The following BLK variants were observed in gnomAD, a reference collection of about 807,000 sequenced individuals.
BLK encodes the protein BLK proto-oncogene, Src family tyrosine kinase.
A neutral mutation model predicts 61.8 loss-of-function variants in BLK; 64 were observed. The observed-to-expected ratio is 1.03, with a 90% confidence interval of 0.85 to 1.27. The LOEUF (loss-of-function observed/expected upper bound fraction) is 1.27, where lower values mean the gene tolerates loss of function less well. BLK is among the 50% of genes most tolerant of loss of function. The pLI is 0.00. For synonymous variants in BLK, 351 were observed against 272.0 expected (o/e 1.29, Z -2.86); for missense variants, 853 against 660.5 (o/e 1.29, Z -3.19).
intron 1 of BLK, among the ~76,000 whole-genome samples, chr8:11,519,852 T>A (rs1799371378): frequency 6.6e-6 from 1 of 152,184 alleles, no homozygotes; most frequent in South Asian, 2.1e-4. Context: ...AACTTGAAAA[T>A]GTGCATATCC....
intron 6 of BLK, among the ~76,000 whole-genome samples, chr8:11,551,021 C>T (rs569293992): frequency 5.9e-5 from 9 of 152,274 alleles, no homozygotes; most frequent in South Asian, 4.2e-4. Flanking sequence ...ATTCAACCCC[C>T]ACCCTCAAGA....
chr8:11,501,460 G>A (rs143693233), intron 1 of BLK, among the ~76,000 whole-genome samples: 305 of 152,068 alleles, frequency 2.0e-3, no homozygotes, highest in African/African-American at 7.1e-3. Context: ...CCAGCACACT[G>A]GGGGAAGTGT....
rs114844531 is a variant in BLK at position 11,544,872 on chromosome 8, C to T, written c.124-1180C>T. Among the ~76,000 whole-genome samples the T allele has an allele frequency of 1.3e-3, 200 of 152,228 alleles. 1 individual carries two copies. The highest frequency in any genetic ancestry group is 4.5e-3 in the African/African-American group (186 of 41,524). On this transcript the variant is annotated intron_variant, in intron 2 of 12. Coordinates refer to ENST00000259089, the MANE Select transcript of BLK (RefSeq NM_001715.3). ...GTCAGGTTGAAAGAATACACCAAAA[C>T]GCACACTTGTATAGCCACCTCCCAA...
At chr8:11,550,932 C>G (rs887482954) in intron 6 of BLK, among the ~76,000 whole-genome samples, 2 of 152,050 alleles carry the variant, frequency 1.3e-5, no homozygotes, top group African/African-American at 4.8e-5. Flanking sequence ...TAAACAAATC[C>G]CTGTGTAATG....
chr8:11,499,160 C>A (rs747596560), intron 1 of BLK, among the ~76,000 whole-genome samples: 1 of 152,210 alleles, frequency 6.6e-6, no homozygotes, highest in Non-Finnish European at 1.5e-5. Flanking sequence ...TTTGCCTGTA[C>A]CTGTTCTATG....
At chr8:11,517,264 C>T (rs555722477) in intron 1 of BLK, among the ~76,000 whole-genome samples, 30 of 152,224 alleles carry the variant, frequency 2.0e-4, no homozygotes, top group South Asian at 1.0e-3. Flanking sequence ...CAACAGAAAT[C>T]GGGGTTGCAT....
rs374444216 is a variant in BLK at position 11,526,371 on chromosome 8, A to T, written c.-1-16853A>T. Among the ~76,000 whole-genome samples, 93 of 152,312 alleles carry T rather than the reference A, an allele frequency of 6.1e-4. No homozygotes were observed. In the South Asian group the frequency reaches 0.015, roughly 24 times the overall value. On this transcript the variant is annotated intron_variant, in intron 1 of 12. Transcript: ENST00000259089. ...ACCTGCTCACAAACACTGCTTTCAA[A>T]TTCACATCCTACTTTTTTGTTATAC... is the stretch of plus-strand genomic sequence containing the variant.
intron 1 of BLK, among the ~76,000 whole-genome samples, chr8:11,531,535 T>C: frequency 6.6e-6 from 1 of 152,206 alleles, no homozygotes; most frequent in East Asian, 1.9e-4. Context: ...ATCATTGGTT[T>C]TCAACAATAC....
intron 1 of BLK, among the ~76,000 whole-genome samples, chr8:11,501,864 C>G (rs925598877): frequency 6.6e-6 from 1 of 152,194 alleles, no homozygotes. Flanking sequence ...CTTTGTTGAA[C>G]TGGGTAGTAG....
chr8:11,537,835 C>G (rs1026739289), intron 1 of BLK, among the ~76,000 whole-genome samples: 4 of 152,288 alleles, frequency 2.6e-5, no homozygotes, highest in Non-Finnish European at 5.9e-5. Flanking sequence ...TTAGTTGATG[C>G]CTCCACCACA....
intron 1 of BLK, among the ~76,000 whole-genome samples, chr8:11,512,942 C>T (rs2736356): frequency 0.83 from 125,572 of 152,202 alleles, 51,930 homozygotes; most frequent in Admixed American, 0.88. Context: ...GCTGGGATTA[C>T]AGGCGTGAGC....
chr8:11,563,263 C>G (rs1268471634), intron 12 of BLK, among the ~76,000 whole-genome samples, 153 bp downstream of exon 12: 1 of 152,224 alleles, frequency 6.6e-6, no homozygotes, highest in Non-Finnish European at 1.5e-5. Context: ...TGGGGTGGAG[C>G]TCTGCCCCCT....
At chr8:11,502,540 G>A (rs1054312761) in intron 1 of BLK, among the ~76,000 whole-genome samples, 3 of 152,212 alleles carry the variant, frequency 2.0e-5, no homozygotes, top group East Asian at 1.9e-4. Flanking sequence ...TGCCCAGTTC[G>A]GCCTCCCAAA....
chr8:11,514,319 A>C (rs1247884915), intron 1 of BLK, among the ~76,000 whole-genome samples: 1 of 152,212 alleles, frequency 6.6e-6, no homozygotes, highest in Non-Finnish European at 1.5e-5. Flanking sequence ...GAGAAAACCC[A>C]CTTGTCCTTT....
intron 1 of BLK, among the ~76,000 whole-genome samples, chr8:11,501,936 G>A (rs897381216): frequency 1.3e-5 from 2 of 152,250 alleles, no homozygotes; most frequent in Non-Finnish European, 2.9e-5. Flanking sequence ...TCTAGCTACA[G>A]ACAAGATGCT....
At chr8:11,518,453 C>A (rs149362531) in intron 1 of BLK, among the ~76,000 whole-genome samples, 1 of 152,136 alleles carries the variant, frequency 6.6e-6, no homozygotes, top group Non-Finnish European at 1.5e-5. Flanking sequence ...AGATTTTAAT[C>A]TTTGGGAGGA....
intron 1 of BLK, among the ~76,000 whole-genome samples, chr8:11,512,148 G>A (rs967837559): frequency 1.3e-5 from 2 of 152,190 alleles, no homozygotes; most frequent in African/African-American, 2.4e-5. Flanking sequence ...AGACACGCAA[G>A]TTCTATGCTA....
intron 2 of BLK, chr8:11,545,811 T>C (rs1800607407): frequency 3.5e-6 from 2 of 569,268 alleles, no homozygotes; most frequent in African/African-American, 3.7e-5. Flanking sequence ...CTGTCTCATA[T>C]CCACATTGGG....
chr8:11,551,243 C>T (rs367825725), intron 6 of BLK, among the ~76,000 whole-genome samples: 10 of 152,230 alleles, frequency 6.6e-5, no homozygotes, highest in African/African-American at 2.2e-4. Context: ...GTGGCTTCCA[C>T]CACAGAAGCT....
Sources: allele counts gnomAD v4.1 joint callset (sites outside exome capture counted in the v4.1 genomes callset), GRCh38; gene constraint gnomAD v4.1.1; transcripts MANE v1.5; gene names NCBI Gene and HGNC (gene_info 2026-07-23, HGNC 2026-07-21).